The following PRKAR1B variants were observed in gnomAD, a reference collection of about 807,000 sequenced individuals.
The protein encoded by PRKAR1B is protein kinase cAMP-dependent type I regulatory subunit beta, also known as cAMP-dependent protein kinase type I-beta regulatory subunit.
PRKAR1B carries 22 observed loss-of-function variants against 46.5 expected under a neutral mutation model. That is an observed-to-expected ratio of 0.47 (90% confidence interval 0.34 to 0.68). PRKAR1B has a LOEUF of 0.68. Ranked by LOEUF, PRKAR1B falls within the 30% of genes least tolerant of loss-of-function variation. The probability of loss-of-function intolerance (pLI) is 0.01; values close to 1 mark genes in which losing one functional copy is unlikely to be tolerated. For synonymous variants in PRKAR1B, 259 were observed against 217.7 expected (o/e 1.19, Z -1.67); for missense variants, 445 against 535.6 (o/e 0.83, Z 1.67).
intron 10 of PRKAR1B, 132 bp downstream of exon 10, chr7:551,257 C>G: frequency 1.2e-6 from 1 of 837,332 alleles, no homozygotes; most frequent in Admixed American, 2.5e-5. Context: ...TGCAGCCACA[C>G]TGGGGCTCAG....
intron 4 of PRKAR1B, among the ~76,000 whole-genome samples, chr7:651,708 A>G (rs1430291665): frequency 8.2e-6 from 1 of 121,984 alleles, no homozygotes; most frequent in Non-Finnish European, 1.7e-5. Flanking sequence ...ACCTGGGGAA[A>G]CCCCTCTCGG....
intron 9 of PRKAR1B, chr7:578,917 G>A (rs1780019942): frequency 1.3e-6 from 1 of 754,380 alleles, no homozygotes; most frequent in East Asian, 7.9e-5. Flanking sequence ...CCTGACCTCA[G>A]GTGATCCACC....
intron 4 of PRKAR1B, among the ~76,000 whole-genome samples, chr7:614,139 C>T (rs1361376337): frequency 1.3e-5 from 2 of 152,244 alleles, no homozygotes; most frequent in East Asian, 1.9e-4. Flanking sequence ...GACAGGCCAA[C>T]GCAGGGCTGG....
chr7:555,822 A>T (rs936769065), intron 9 of PRKAR1B, among the ~76,000 whole-genome samples: 1 of 152,220 alleles, frequency 6.6e-6, no homozygotes, highest in African/African-American at 2.4e-5. Flanking sequence ...GGTGGTGGCC[A>T]GCACACCTGG....
chr7:712,258 A>G (rs1780684024), intron 1 of PRKAR1B, among the ~76,000 whole-genome samples: 6 of 144,870 alleles, frequency 4.1e-5, no homozygotes, highest in Admixed American at 4.1e-4. Context: ...AGCGCCGGCG[A>G]GGACCCTCCC....
At position 551,460 on chromosome 7, in the gene PRKAR1B, G is replaced by A. The variant is rs528224231; in HGVS notation, c.902C>T (p.Ser301Phe). 2.6e-6 allele frequency: 4 copies of A among 1,555,008 alleles called. No individual in the cohort carries two copies. Among genetic ancestry groups the A allele is most frequent in the Non-Finnish European group, 3.5e-6 (4 of 1,148,982 alleles). ...ATTGGGGGACCGGCGCTGCAGCACGGACGCGGTGCCCTGTGGGTGGAGGTG... is the reference window on the plus strand; with the variant it reads ...ATTGGGGGACCGGCGCTGCAGCACGAACGCGGTGCCCTGTGGGTGGAGGTG... The part of the protein sequence containing the change: ...DFYIITEGTA[S>F]VLQRRSPNEE... The change falls in exon 10 of 11, where the codon TCC (serine) becomes TTC (phenylalanine). Residue 301 changes from serine (S) to phenylalanine (F), a missense_variant. Physicochemically the swap from Ser to Phe is radical, Grantham distance 155. This residue lies in a region of PRKAR1B where 127 missense variants were observed against 138.0 expected (regional missense o/e 0.92). Coordinates refer to ENST00000537384, the MANE Select transcript of PRKAR1B (RefSeq NM_001164760.2).
At chr7:633,839 G>A (rs1042026301) in intron 4 of PRKAR1B, among the ~76,000 whole-genome samples, 1 of 152,156 alleles carries the variant, frequency 6.6e-6, no homozygotes, top group Non-Finnish European at 1.5e-5. Context: ...GAGGCTGTGT[G>A]TAATCACGGG....
intron 7 of PRKAR1B, among the ~76,000 whole-genome samples, chr7:587,033 G>A (rs563257413): frequency 8.5e-5 from 13 of 152,090 alleles, no homozygotes; most frequent in South Asian, 2.1e-4. Flanking sequence ...ACAGGCGCCC[G>A]CCACCATGCC....
intron 2 of PRKAR1B, among the ~76,000 whole-genome samples, chr7:705,233 G>A (rs1780260326): frequency 1.3e-5 from 2 of 151,122 alleles, no homozygotes; most frequent in Non-Finnish European, 2.9e-5. Flanking sequence ...AACGCGGGGA[G>A]CAGAGGCTGC....
At position 691,912 on chromosome 7, in the gene PRKAR1B, C is replaced by T. The variant is rs946675292; in HGVS notation, c.178-11186G>A. On this transcript the variant is annotated intron_variant, in intron 2 of 10. Transcript: ENST00000537384. ...TGGCACAGACGCCTCCCTGGAGCTG[C>T]GAGTCCCTTGCTCACATCCATCCCC... The T allele has an allele frequency of 4.7e-6, 5 of 1,057,120 alleles. No individual in the cohort carries two copies. The African/African-American group carries it at 6.7e-5, about 14-fold the overall frequency. 65.5% of individuals were successfully genotyped at this position (1,057,120 alleles called of 1,614,324 possible). A position where few individuals can be genotyped will look rare whatever the true frequency, so the allele number is the denominator to read the frequency against.
intron 3 of PRKAR1B, among the ~76,000 whole-genome samples, chr7:679,377 G>A (rs1778528423): frequency 6.6e-6 from 1 of 152,194 alleles, no homozygotes; most frequent in Non-Finnish European, 1.5e-5. Flanking sequence ...CGTGTGCCGT[G>A]AGCAGGGCTG....
chr7:675,341 G>A (rs1399040016), intron 4 of PRKAR1B, among the ~76,000 whole-genome samples: 4 of 152,212 alleles, frequency 2.6e-5, no homozygotes, highest in African/African-American at 4.8e-5. Context: ...ACGGGCACAC[G>A]CCTGCAAACA....
chr7:715,126 G>A (rs934688328), intron 1 of PRKAR1B, among the ~76,000 whole-genome samples: 4 of 152,084 alleles, frequency 2.6e-5, no homozygotes, highest in Non-Finnish European at 5.9e-5. Context: ...AGCCCAGATC[G>A]TACCACTGCA....
At chr7:725,922 T>C (rs769938970) in intron 1 of PRKAR1B, among the ~76,000 whole-genome samples, 1 of 152,152 alleles carries the variant, frequency 6.6e-6, no homozygotes, top group Non-Finnish European at 1.5e-5. Context: ...AGAATCAACT[T>C]TGACTCTCCA....
chr7:645,189 C>T (rs1459797778), intron 4 of PRKAR1B, among the ~76,000 whole-genome samples: 2 of 152,154 alleles, frequency 1.3e-5, no homozygotes, highest in East Asian at 1.9e-4. Flanking sequence ...CATGAGAACC[C>T]GGCCTGCAGC....
chr7:723,219 C>A (rs1209797706), intron 1 of PRKAR1B, among the ~76,000 whole-genome samples: 1 of 152,222 alleles, frequency 6.6e-6, no homozygotes, highest in African/African-American at 2.4e-5. Flanking sequence ...GGTTAATGCA[C>A]CTGCAGCAGC....
intron 2 of PRKAR1B, among the ~76,000 whole-genome samples, chr7:682,721 T>A (rs1049457391): frequency 6.6e-6 from 1 of 151,068 alleles, no homozygotes; most frequent in African/African-American, 2.4e-5. Context: ...CCAGCCTGGA[T>A]GACAGAGCGA....
intron 8 of PRKAR1B, among the ~76,000 whole-genome samples, chr7:582,750 G>T (rs1269308530): frequency 2.0e-5 from 3 of 152,200 alleles, no homozygotes; most frequent in Non-Finnish European, 2.9e-5. Context: ...TGGGCACAGG[G>T]CTGACTATGC....
At chr7:697,470 C>G (rs916365196) in intron 2 of PRKAR1B, among the ~76,000 whole-genome samples, 2 of 152,192 alleles carry the variant, frequency 1.3e-5, no homozygotes, top group African/African-American at 4.8e-5. Flanking sequence ...CGGAGGGCGT[C>G]TAGGCTTCCA....
Sources: gnomAD v4.1 joint callset for allele counts (sites outside exome capture counted in the v4.1 genomes callset) on GRCh38, gnomAD v4.1.1 for gene constraint, gnomAD v4.1.1 regional missense constraint, MANE v1.5 for transcripts, NCBI Gene and HGNC (gene_info 2026-07-23, HGNC 2026-07-21) for gene names.